Variants in ADAMTS6 observed in about 807,000 individuals in gnomAD.
ADAMTS6 encodes ADAM metallopeptidase with thrombospondin type 1 motif 6, also known as A disintegrin and metalloproteinase with thrombospondin motifs 6.
In ADAMTS6, 23 loss-of-function variants were observed where a neutral mutation model predicts 144.3. The ratio of observed to expected loss-of-function variants is 0.16; its 90% CI spans 0.11 to 0.23. ADAMTS6 has a LOEUF of 0.23. ADAMTS6 is among the 10% of genes least tolerant of loss of function. The probability of loss-of-function intolerance (pLI) is 1.00; values close to 1 mark genes in which losing one functional copy is unlikely to be tolerated. For missense variants in ADAMTS6, 999 were observed against 1,379.6 expected (o/e 0.72, Z 4.37); for synonymous variants, 444 against 457.5 (o/e 0.97, Z 0.38).
chr5:65,435,315 G>A (rs1757304968), intron 7 of ADAMTS6, among the ~76,000 whole-genome samples: 1 of 152,114 alleles, frequency 6.6e-6, no homozygotes, highest in South Asian at 2.1e-4. Context: ...AAGGAATTAG[G>A]GGGAAAATGT....
chr5:65,480,713 G>A (rs1232878483), intron 1 of ADAMTS6, among the ~76,000 whole-genome samples: 1 of 152,070 alleles, frequency 6.6e-6, no homozygotes, highest in African/African-American at 2.4e-5. Context: ...CATATATACA[G>A]ACCTACCCCG....
In ADAMTS6 at chr5:65,300,135, T is replaced by C. The variant is rs1402335776; in HGVS notation, c.1224-4A>G. 1.2e-6 allele frequency: 2 copies of C among 1,610,746 alleles called. No homozygotes were observed. Among genetic ancestry groups the C allele is most frequent in the Non-Finnish European group, 1.7e-6 (2 of 1,179,092 alleles). On this transcript the variant is annotated splice_region_variant and splice_polypyrimidine_tract_variant and intron_variant, in intron 9 of 24. Coordinates refer to ENST00000381055, the MANE Select transcript of ADAMTS6 (RefSeq NM_197941.4). ...TCCATCATGGTTCATACCAAAACTG[T>C]TTTAATGAGGAAGAAACATAGAATA...
At chr5:65,264,016 G>C (rs977143298) in intron 12 of ADAMTS6, among the ~76,000 whole-genome samples, 1 of 152,064 alleles carries the variant, frequency 6.6e-6, no homozygotes, top group South Asian at 2.1e-4. Context: ...AGCTTTGTTG[G>C]TTTTATCTCC....
chr5:65,148,780 G>A lies in ADAMTS6; in HGVS notation c.*3056C>T, dbSNP rs1043000949. On this transcript the variant is annotated 3_prime_UTR_variant, in exon 25 of 25. Transcript: ENST00000381055. ...ATTTTTATTTTACTAAATTATCTAT[G>A]TCAAAAAAATTCTGTGCCTGGCGTG... 2 of 152,360 alleles carry A rather than the reference G, an allele frequency of 1.3e-5. No individual in the cohort carries two copies. Among genetic ancestry groups the A allele is most frequent in the African/African-American group, 4.8e-5 (2 of 41,394 alleles). 9.4% of individuals were successfully genotyped at this position (152,360 alleles called of 1,614,324 possible).
At chr5:65,252,759 G>A (rs1760290515) in intron 14 of ADAMTS6, among the ~76,000 whole-genome samples, 1 of 152,026 alleles carries the variant, frequency 6.6e-6, no homozygotes, top group Non-Finnish European at 1.5e-5. Context: ...AGAAATGAGA[G>A]GATCAAGACT....
intron 14 of ADAMTS6, among the ~76,000 whole-genome samples, chr5:65,257,939 T>C (rs924954580): frequency 2.0e-5 from 3 of 152,342 alleles, no homozygotes; most frequent in Non-Finnish European, 4.4e-5. Flanking sequence ...AGATTGTCTT[T>C]CTCACCCAAG....
intron 15 of ADAMTS6, among the ~76,000 whole-genome samples, chr5:65,226,585 GAAA>G (rs1190203381): frequency 2.0e-5 from 3 of 151,850 alleles, no homozygotes; most frequent in African/African-American, 7.3e-5. Flanking sequence ...ATAAATGAAA[GAAA>G]AACAATTTTT....
intron 9 of ADAMTS6, among the ~76,000 whole-genome samples, chr5:65,312,385 G>C (rs549898898): frequency 6.6e-6 from 1 of 152,106 alleles, no homozygotes; most frequent in African/African-American, 2.4e-5. Context: ...ACTTGTTATA[G>C]TAAAGAAAAG....
chr5:65,286,295 G>T (rs1442830848), intron 11 of ADAMTS6, among the ~76,000 whole-genome samples: 2 of 152,020 alleles, frequency 1.3e-5, no homozygotes, highest in Non-Finnish European at 2.9e-5. Flanking sequence ...ATAGTTTATG[G>T]TGAACAGATT....
chr5:65,224,634 G>A (rs777339827), intron 17 of ADAMTS6, among the ~76,000 whole-genome samples: 7 of 152,072 alleles, frequency 4.6e-5, no homozygotes, highest in Admixed American at 1.3e-4. Flanking sequence ...GCCTCAACAC[G>A]AATAATGGTT....
intron 7 of ADAMTS6, among the ~76,000 whole-genome samples, chr5:65,377,116 GA>G (rs1248748265): frequency 9.9e-5 from 15 of 152,052 alleles, no homozygotes; most frequent in Admixed American, 9.8e-4. Flanking sequence ...TTAAAAATTT[GA>G]AAAAATCAGT....
chr5:65,291,514 C>T (rs2112758356), intron 10 of ADAMTS6, 44 bp from the exon 11 acceptor site: 1 of 1,539,174 alleles, frequency 6.5e-7, no homozygotes, highest in Non-Finnish European at 8.8e-7. Flanking sequence ...ATTCTATGGG[C>T]TATTTTAGTC....
intron 7 of ADAMTS6, among the ~76,000 whole-genome samples, chr5:65,398,765 G>GCGAGAA (rs1481744286): frequency 1.4e-5 from 2 of 143,956 alleles, no homozygotes; most frequent in African/African-American, 5.1e-5. Flanking sequence ...AAGAGAGAGA[G>GCGAGAA]AGAAAGAAGA....
chr5:65,291,676 C>A (rs970884412), intron 10 of ADAMTS6, among the ~76,000 whole-genome samples: 1 of 152,038 alleles, frequency 6.6e-6, no homozygotes, highest in Non-Finnish European at 1.5e-5. Context: ...CACCAAGACA[C>A]AATAAAATCA....
chr5:65,338,944 A>C (rs529184142), intron 7 of ADAMTS6, among the ~76,000 whole-genome samples: 2 of 151,874 alleles, frequency 1.3e-5, no homozygotes, highest in African/African-American at 4.8e-5. Context: ...CCTGGCAGAC[A>C]CATCCCCATG....
intron 7 of ADAMTS6, among the ~76,000 whole-genome samples, chr5:65,345,168 T>C (rs754051684): frequency 2.4e-4 from 37 of 151,918 alleles, no homozygotes; most frequent in Middle Eastern, 3.4e-3. Context: ...AAAGATTATA[T>C]CAGCTTAGGA....
intron 18 of ADAMTS6, among the ~76,000 whole-genome samples, chr5:65,220,796 T>C (rs1757271991): frequency 6.6e-6 from 1 of 151,334 alleles, no homozygotes; most frequent in African/African-American, 2.4e-5. Flanking sequence ...AGACAAACAA[T>C]AGAGAAAATC....
intron 7 of ADAMTS6, among the ~76,000 whole-genome samples, chr5:65,401,476 G>C (rs77506405): frequency 6.6e-6 from 1 of 152,082 alleles, no homozygotes; most frequent in Non-Finnish European, 1.5e-5. Context: ...GGGAACACAA[G>C]GGAGTTTTTC....
chr5:65,386,685 C>A (rs1222240852), intron 7 of ADAMTS6, among the ~76,000 whole-genome samples: 1 of 152,088 alleles, frequency 6.6e-6, no homozygotes, highest in Non-Finnish European at 1.5e-5. Flanking sequence ...CCTCCCACGT[C>A]CAAGCAATTC....
Sources: gnomAD v4.1 joint callset for allele counts (sites outside exome capture counted in the v4.1 genomes callset) on GRCh38, gnomAD v4.1.1 for gene constraint, MANE v1.5 for transcripts, NCBI Gene and HGNC (gene_info 2026-07-23, HGNC 2026-07-21) for gene names.